TNFRSF9: variants seen among roughly 807,000 people sequenced by gnomAD.
The protein encoded by TNFRSF9 is tumor necrosis factor receptor superfamily member 9.
In TNFRSF9, 16 loss-of-function variants were observed where a neutral mutation model predicts 28.8. That is an observed-to-expected ratio of 0.55 (90% CI 0.38 to 0.84). The LOEUF is 0.84. Ranked by LOEUF, TNFRSF9 falls within the 40% of genes least tolerant of loss-of-function variation. TNFRSF9 has a pLI of 0.00. For missense variants in TNFRSF9, 303 were observed against 315.0 expected, an observed-to-expected ratio of 0.96 and a Z score of 0.29; for synonymous variants, 131 against 117.0, an observed-to-expected ratio of 1.12 and a Z score of -0.77.
intron 4 of TNFRSF9, among the ~76,000 whole-genome samples, 163 bp downstream of exon 4, chr1:7,938,030 T>C (rs181971019): frequency 9.8e-4 from 149 of 152,320 alleles, no homozygotes; most frequent in African/African-American, 3.4e-3. Flanking sequence ...ACGGAAATAT[T>C]TTATTAATTG....
chr1:7,936,885 A>T (rs988318101), intron 5 of TNFRSF9, among the ~76,000 whole-genome samples: 2 of 152,338 alleles, frequency 1.3e-5, no homozygotes, highest in African/African-American at 4.8e-5. Flanking sequence ...AGGACAAGCC[A>T]TTTGTGGACC....
intron 7 of TNFRSF9, among the ~76,000 whole-genome samples, chr1:7,929,161 T>TC (rs1557427291): frequency 1.0e-5 from 1 of 97,266 alleles, no homozygotes; most frequent in Non-Finnish European, 1.8e-5. Context: ...CTTTTTCCTT[T>TC]TTTTTTTTTT....
Position 7,937,866 on chromosome 1 carries a change from T to C in TNFRSF9, c.347-110A>G, listed in dbSNP as rs1451470260. The C allele has an allele frequency of 1.3e-5, 12 of 947,306 alleles. No homozygotes were observed. In the East Asian group the frequency reaches 2.8e-4, roughly 22 times the overall value. 58.7% of individuals were successfully genotyped at this position (947,306 alleles called of 1,614,324 possible). ...ATTACCATAATGCAATCTGCACAAA[T>C]TGTTCAATAATTCTTGAAACAACAC... On this transcript the variant is annotated intron_variant, in intron 4 of 7. Coordinates refer to ENST00000377507, the MANE Select transcript of TNFRSF9 (RefSeq NM_001561.6).
rs908519580 is a variant in TNFRSF9, at chr1:7,933,300, C to A, written c.545-4G>T. The A allele has an allele frequency of 7.4e-6, 12 of 1,610,850 alleles. No homozygotes were observed. The highest frequency in any genetic ancestry group is 6.7e-5 in the East Asian group (3 of 44,812). The stretch of plus-strand genomic sequence containing the variant: ...GAGATGATCTGCGGAGAGTGTCCTG[C>A]AAAACACAGCAAAAGGAGAAACGCA... On this transcript the variant is annotated splice_polypyrimidine_tract_variant and splice_region_variant and intron_variant, in intron 6 of 7. Coordinates refer to ENST00000377507, the MANE Select transcript of TNFRSF9 (RefSeq NM_001561.6).
intron 5 of TNFRSF9, among the ~76,000 whole-genome samples, chr1:7,936,073 G>C (rs1030927031): frequency 6.6e-6 from 1 of 152,008 alleles, no homozygotes; most frequent in Non-Finnish European, 1.5e-5. Context: ...TTTCCATGCA[G>C]ACTCACTTAA....
Position 7,938,258 on chromosome 1 carries a change from C to G in TNFRSF9, c.281G>C (p.Cys94Ser), listed in dbSNP as rs944620231. 1.9e-6 allele frequency: 3 copies of G among 1,608,728 alleles called. No individual in the cohort carries two copies. The highest frequency in any genetic ancestry group is 2.5e-6 in the Non-Finnish European group (3 of 1,177,850). Residue 94 changes from cysteine (C) to serine (S), a missense_variant, in exon 4 of 8, where the codon TGC becomes TCC. Physicochemically the swap from Cys to Ser is moderately radical, Grantham distance 112. Transcript: ENST00000377507. ...ACACATGCTGCATCCTGCCCCCAGG[C>G]AGTGAAACCCTGGAGTGCAGTCACA... ...AECDCTPGFH[C>S]LGAGCSMCEQ...
At chr1:7,933,107 C>A in intron 7 of TNFRSF9, 55 bp downstream of exon 7, 1 of 1,536,030 alleles carries the variant, frequency 6.5e-7, no homozygotes, top group Non-Finnish European at 8.8e-7. Context: ...ATTTTCCTTT[C>A]TATTATAAAA....
At chr1:7,938,071 C>T in intron 4 of TNFRSF9, 122 bp downstream of exon 4, 1 of 791,460 alleles carries the variant, frequency 1.3e-6, no homozygotes, top group Non-Finnish European at 1.9e-6. Flanking sequence ...TATGATATAT[C>T]ATATACTCCC....
chr1:7,918,638 A>T lies in TNFRSF9; in HGVS notation c.*2197T>A, dbSNP rs1639513889. Reference sequence around the variant, plus strand: ...CACCTTGGCCTCCCAAAGAGCTGGGACTACAGGCATGAGCCACTGCACCCG... The same window carrying T: ...CACCTTGGCCTCCCAAAGAGCTGGGTCTACAGGCATGAGCCACTGCACCCG... On this transcript the variant is annotated 3_prime_UTR_variant, in exon 8 of 8. Coordinates refer to ENST00000377507, the MANE Select transcript of TNFRSF9 (RefSeq NM_001561.6). 1.3e-5 allele frequency: 2 copies of T among 152,194 alleles called. No individual in the cohort carries two copies. The highest frequency in any genetic ancestry group is 4.1e-4 in the South Asian group (2 of 4,830). The allele number at this position is 152,194 out of a possible 1,614,324, so 9.4% of individuals were successfully genotyped here.
intron 7 of TNFRSF9, among the ~76,000 whole-genome samples, chr1:7,926,054 C>T (rs1317517392): frequency 6.6e-6 from 1 of 152,152 alleles, no homozygotes; most frequent in Non-Finnish European, 1.5e-5. Context: ...GCATGCGCCA[C>T]CACACCCGGC....
Position 7,938,173 on chromosome 1 carries a change from T to C in TNFRSF9, c.346+20A>G. ...GTCTATGTCACAAAACTACACTAGA[T>C]CAAAGAAACGCAAACGTACCTTTTT... is the stretch of plus-strand genomic sequence containing the variant. On this transcript the variant is annotated intron_variant, in intron 4 of 7. Coordinates refer to ENST00000377507, the MANE Select transcript of TNFRSF9 (RefSeq NM_001561.6). 1 of 1,562,670 alleles carries C rather than the reference T, an allele frequency of 6.4e-7. No homozygotes were observed. The highest frequency in any genetic ancestry group is 8.7e-7 in the Non-Finnish European group (1 of 1,153,220).
At chr1:7,921,020 A>G in intron 7 of TNFRSF9, 97 bp from the exon 8 acceptor site, 1 of 890,008 alleles carries the variant, frequency 1.1e-6, no homozygotes, top group Admixed American at 2.1e-5. Context: ...ATCTCTAAGC[A>G]GCAAACATTC....
intron 7 of TNFRSF9, among the ~76,000 whole-genome samples, chr1:7,927,629 T>A (rs161819): frequency 0.091 from 13,665 of 150,926 alleles, 1,575 homozygotes; most frequent in East Asian, 0.52. Context: ...ATCACACCAC[T>A]GCACTCCAGC....
At position 7,919,911 on chromosome 1, in the gene TNFRSF9, A is replaced by C. The variant is rs1290434505; in HGVS notation, c.*924T>G. On this transcript the variant is annotated 3_prime_UTR_variant, in exon 8 of 8. Coordinates refer to ENST00000377507, the MANE Select transcript of TNFRSF9 (RefSeq NM_001561.6). Reference sequence around the variant, plus strand: ...ATGTTAAAAGTTAAGAATTTTTAGAATGTAACCTGGCTTAAAAGGGAGCAG... The same window carrying C: ...ATGTTAAAAGTTAAGAATTTTTAGACTGTAACCTGGCTTAAAAGGGAGCAG... 1 of 152,360 alleles carries C rather than the reference A, an allele frequency of 6.6e-6. No homozygotes were observed. The highest frequency in any genetic ancestry group is 1.9e-4 in the East Asian group (1 of 5,328). 9.4% of individuals were successfully genotyped at this position (152,360 alleles called of 1,614,324 possible).
intron 7 of TNFRSF9, chr1:7,921,950 C>T (rs989670088): frequency 6.6e-6 from 1 of 152,090 alleles, no homozygotes; most frequent in African/African-American, 2.4e-5. Context: ...TACTGAGATT[C>T]GAGATCCGAT....
At chr1:7,934,820 C>T (rs1019067333) in intron 6 of TNFRSF9, among the ~76,000 whole-genome samples, 193 bp downstream of exon 6, 4 of 152,180 alleles carry the variant, frequency 2.6e-5, no homozygotes, top group African/African-American at 4.8e-5. Flanking sequence ...CCTCTGGCAC[C>T]GCTTACAAAT....
At chr1:7,937,636 CA>C in intron 5 of TNFRSF9, 53 bp downstream of exon 5, 1 of 1,494,574 alleles carries the variant, frequency 6.7e-7, no homozygotes, top group Non-Finnish European at 9.3e-7. Context: ...CCTTATCTTC[CA>C]AAAAATTTAA....
At chr1:7,937,853 C>A in intron 4 of TNFRSF9, 97 bp from the exon 5 acceptor site, 1 of 1,026,654 alleles carries the variant, frequency 9.7e-7, no homozygotes, top group Non-Finnish European at 1.5e-6. Flanking sequence ...TACCATAATG[C>A]AATCTGCACA....
Position 7,920,742 on chromosome 1 carries a change from T to A in TNFRSF9, c.*93A>T, listed in dbSNP as rs946217035. ...GGGGAATCCTGGGTATTATGTAGGA[T>A]GGTGTTCTTGCTTTTGAAAGCTGTG... is the stretch of plus-strand genomic sequence containing the variant. On this transcript the variant is annotated 3_prime_UTR_variant, in exon 8 of 8. Coordinates refer to ENST00000377507, the MANE Select transcript of TNFRSF9 (RefSeq NM_001561.6). The A allele has an allele frequency of 2.0e-6, 2 of 979,428 alleles. No homozygotes were observed. The highest frequency in any genetic ancestry group is 3.3e-6 in the Non-Finnish European group (2 of 610,002). The allele number at this position is 979,428 out of a possible 1,614,324, so 60.7% of individuals were successfully genotyped here. A position where few individuals can be genotyped will look rare whatever the true frequency, so the allele number is the denominator to read the frequency against.
Sources: gnomAD v4.1 joint callset for allele counts (sites outside exome capture counted in the v4.1 genomes callset) on GRCh38, gnomAD v4.1.1 for gene constraint, MANE v1.5 for transcripts, NCBI Gene and HGNC (gene_info 2026-07-23, HGNC 2026-07-21) for gene names.